SCP2: variants seen among roughly 807,000 people sequenced by gnomAD.
The protein encoded by SCP2 is sterol carrier protein 2, also known as SCP-2/3-oxoacyl-CoA thiolase.
In SCP2, 48 loss-of-function variants were observed where a neutral mutation model predicts 71.4. The observed-to-expected ratio is 0.67, with a 90% CI of 0.53 to 0.86. The LOEUF (loss-of-function observed/expected upper bound fraction) is 0.86, where lower values mean the gene tolerates loss of function less well. Ranked by LOEUF, SCP2 falls within the 40% of genes least tolerant of loss-of-function variation. The pLI, the probability that SCP2 is intolerant of heterozygous loss-of-function variation, is 0.00. For synonymous variants in SCP2, 220 were observed against 218.1 expected, an observed-to-expected ratio of 1.01 and a Z score of -0.08; for missense variants, 560 against 655.6, an observed-to-expected ratio of 0.85 and a Z score of 1.59.
intron 11 of SCP2, chr1:52,995,794 C>T (rs573552882): frequency 4.5e-5 from 38 of 841,970 alleles, no homozygotes; most frequent in Middle Eastern, 5.0e-4. Flanking sequence ...TCACCTTAAT[C>T]GGCAGCAGCA....
At chr1:53,040,745 A>G (rs1370243102) in intron 14 of SCP2, among the ~76,000 whole-genome samples, 4 of 151,942 alleles carry the variant, frequency 2.6e-5, no homozygotes, top group Non-Finnish European at 5.9e-5. Context: ...TCTTACCCCC[A>G]TTACTATTCC....
chr1:52,939,908 G>A (rs1654068256), intron 1 of SCP2, among the ~76,000 whole-genome samples: 1 of 151,896 alleles, frequency 6.6e-6, no homozygotes, highest in Admixed American at 6.6e-5. Flanking sequence ...GACCTCAAAT[G>A]ATCCACCCAC....
chr1:52,934,236 A>G (rs960755838), intron 1 of SCP2, among the ~76,000 whole-genome samples: 1 of 152,240 alleles, frequency 6.6e-6, no homozygotes, highest in Admixed American at 6.5e-5. Flanking sequence ...GTTTGTTTCT[A>G]AAGATAAAAT....
intron 4 of SCP2, among the ~76,000 whole-genome samples, chr1:52,953,832 A>G (rs1289773021): frequency 6.8e-6 from 1 of 147,606 alleles, no homozygotes; most frequent in African/African-American, 2.6e-5. Flanking sequence ...TTACCAAAAA[A>G]AAAAAAAAAA....
intron 11 of SCP2, chr1:52,994,789 G>A: frequency 3.6e-6 from 2 of 560,586 alleles, no homozygotes; most frequent in Non-Finnish European, 6.6e-6. Flanking sequence ...CAAGTGCTGG[G>A]ATGTGATCAG....
At position 52,927,899 on chromosome 1, in the gene SCP2, G is replaced by A. The variant is rs538082758; in HGVS notation, c.69+434G>A. Among the ~76,000 whole-genome samples the A allele has an allele frequency of 3.3e-5, 5 of 152,262 alleles. No individual in the cohort carries two copies. The East Asian group carries it at 9.6e-4, about 29-fold the overall frequency. The stretch of plus-strand genomic sequence containing the variant: ...CTCCTGATGCCCAGCGCCTCGGCCC[G>A]AGTGGCAGATTCCGGCCTCCCTCTG... On this transcript the variant is annotated intron_variant, in intron 1 of 15. Coordinates refer to ENST00000371514, the MANE Select transcript of SCP2 (RefSeq NM_002979.5).
At chr1:52,997,056 C>T (rs59514126) in intron 11 of SCP2, among the ~76,000 whole-genome samples, 18,307 of 152,148 alleles carry the variant, frequency 0.12, 1,896 homozygotes, top group African/African-American at 0.29. Context: ...GCACAGTTCT[C>T]ACAAAAATGT....
chr1:52,951,794 G>A (rs1655341305), intron 4 of SCP2, among the ~76,000 whole-genome samples: 1 of 151,402 alleles, frequency 6.6e-6, no homozygotes, highest in Non-Finnish European at 1.5e-5. Context: ...TCAGCTCACT[G>A]CAACCTCCAC....
intron 5 of SCP2, among the ~76,000 whole-genome samples, chr1:52,957,220 C>A (rs1655905556): frequency 8.9e-6 from 1 of 112,210 alleles, no homozygotes; most frequent in Admixed American, 1.1e-4. Context: ...TGGCCCCTGG[C>A]CCCTGGCCCC....
intron 5 of SCP2, among the ~76,000 whole-genome samples, chr1:52,957,470 C>CA (rs922524515): frequency 8.6e-5 from 13 of 151,726 alleles, no homozygotes; most frequent in Admixed American, 7.2e-4. Context: ...CTAGCTCTGC[C>CA]AAAAAAACAA....
chr1:53,000,627 C>G (rs372502948), intron 11 of SCP2, among the ~76,000 whole-genome samples: 9 of 152,204 alleles, frequency 5.9e-5, no homozygotes, highest in East Asian at 5.8e-4. Flanking sequence ...GAGGTCTACT[C>G]ATAGACCAAT....
intron 1 of SCP2, among the ~76,000 whole-genome samples, chr1:52,933,284 G>T (rs1002963576): frequency 2.0e-5 from 3 of 152,080 alleles, no homozygotes; most frequent in Non-Finnish European, 2.9e-5. Context: ...GATAGTAATT[G>T]CAGTTGATTA....
At chr1:53,024,057 C>A (rs1025486862) in intron 12 of SCP2, among the ~76,000 whole-genome samples, 1 of 152,112 alleles carries the variant, frequency 6.6e-6, no homozygotes, top group African/African-American at 2.4e-5. Flanking sequence ...CTCCTTTTTC[C>A]AGGTTCCTTA....
chr1:52,988,254 A>G, intron 11 of SCP2, 118 bp downstream of exon 11: 2 of 684,310 alleles, frequency 2.9e-6, no homozygotes, highest in South Asian at 3.3e-5. Context: ...TGGTGCTTTA[A>G]ATGATTGTTT....
At chr1:53,040,685 C>T (rs1663354594) in intron 14 of SCP2, among the ~76,000 whole-genome samples, 2 of 152,096 alleles carry the variant, frequency 1.3e-5, no homozygotes, top group Non-Finnish European at 2.9e-5. Flanking sequence ...CACGCCACTG[C>T]ACTCCAGCCT....
chr1:53,045,158 C>T (rs912792796), intron 14 of SCP2, among the ~76,000 whole-genome samples: 1 of 152,260 alleles, frequency 6.6e-6, no homozygotes, highest in African/African-American at 2.4e-5. Context: ...GAGTACACCT[C>T]CAAGGTCAAG....
At chr1:53,006,839 T>C (rs1444771379) in intron 11 of SCP2, among the ~76,000 whole-genome samples, 1 of 151,904 alleles carries the variant, frequency 6.6e-6, no homozygotes, top group Non-Finnish European at 1.5e-5. Context: ...GACTGGCAAA[T>C]TGGATAAAGA....
Position 53,014,987 on chromosome 1 carries a change from C to G in SCP2, c.1179C>G (p.Gly393=), listed in dbSNP as rs770020097. The change falls in exon 12 of 16, where the codon GGC becomes GGG. Residue 393 remains glycine, a synonymous_variant. Coordinates refer to ENST00000371514, the MANE Select transcript of SCP2 (RefSeq NM_002979.5). ...AGGTGGCTCTGCAGCATAATTTAGGCATTGGAGGAGCTGTGGTTGTAACAC... is the reference window on the plus strand; with the variant it reads ...AGGTGGCTCTGCAGCATAATTTAGGGATTGGAGGAGCTGTGGTTGTAACAC... ...GAKVALQHNL[G]IGGAVVVTLY... 6.2e-7 allele frequency: 1 copy of G among 1,614,078 alleles called. No individual in the cohort carries two copies. Among genetic ancestry groups the G allele is most frequent in the South Asian group, 1.1e-5 (1 of 91,074 alleles).
chr1:53,014,835 T>C, intron 11 of SCP2, 55 bp from the exon 12 acceptor site: 1 of 1,600,524 alleles, frequency 6.2e-7, no homozygotes, highest in Non-Finnish European at 8.5e-7. Context: ...ACATCCCTTT[T>C]CTGGCTTGAG....
Sources: gnomAD v4.1 joint callset for allele counts (sites outside exome capture counted in the v4.1 genomes callset) on GRCh38, gnomAD v4.1.1 for gene constraint, MANE v1.5 for transcripts, NCBI Gene and HGNC (gene_info 2026-07-23, HGNC 2026-07-21) for gene names.